PDZD9: variants seen among roughly 807,000 people sequenced by gnomAD.
The protein encoded by PDZD9 is PDZ domain containing 9.
PDZD9 carries 13 observed loss-of-function variants against 16.3 expected under a neutral mutation model. That is an observed-to-expected ratio of 0.80 (90% confidence interval 0.52 to 1.27). The LOEUF is 1.27. Ranked by LOEUF, PDZD9 falls within the 50% of genes most tolerant of loss-of-function variation. PDZD9 has a pLI of 0.00. For synonymous variants in PDZD9, 120 were observed against 111.0 expected (o/e 1.08, Z -0.51); for missense variants, 288 against 310.9 (o/e 0.93, Z 0.55).
rs756110280 is a variant in PDZD9 at position 21,988,761 on chromosome 16, T to C, written c.242A>G (p.Asn81Ser). Reference sequence around the variant, plus strand: ...TTCTCGAAGAGTATATCCTAACACATTGGCATGGCCAACACTAATCAGAAC... The same window carrying C: ...TTCTCGAAGAGTATATCCTAACACACTGGCATGGCCAACACTAATCAGAAC... ...GDVLISVGHA[N>S]VLGYTLREFL... Residue 81 changes from asparagine to serine, a missense_variant, in exon 3 of 4, where the codon AAT (asparagine) becomes AGT (serine). Transcript: ENST00000424898. 11 of 1,612,560 alleles carry C rather than the reference T, an allele frequency of 6.8e-6. No homozygotes were observed. Among genetic ancestry groups the C allele is most frequent in the Non-Finnish European group, 8.5e-6 (10 of 1,179,734 alleles).
rs141373556 is a variant in PDZD9, at chr16:21,991,278, C to T, written c.212-2487G>A. 3.2e-3 allele frequency among the ~76,000 whole-genome samples: 483 copies of T among 152,028 alleles called. 1 individual carries two copies. Among genetic ancestry groups the T allele is most frequent in the Non-Finnish European group, 4.4e-3 (298 of 67,960 alleles). On this transcript the variant is annotated intron_variant, in intron 2 of 3. Coordinates refer to ENST00000424898, the MANE Select transcript of PDZD9 (RefSeq NM_001363519.1). ...TGAGACAGGGTCTCACTTTGTCACC[C>T]AGGCTGGAATGCAGGGATACAAATA...
the PDZD9 span, chr16:21,957,671 G>C: frequency 6.8e-7 from 1 of 1,473,848 alleles, no homozygotes; most frequent in East Asian, 2.3e-5. Flanking sequence ...TCCTTGACCT[G>C]CCATAACAAA....
At chr16:21,972,919 G>C in the PDZD9 span, among the ~76,000 whole-genome samples, 1 of 152,202 alleles carries the variant, frequency 6.6e-6, no homozygotes, top group Non-Finnish European at 1.5e-5. Context: ...GGCTAACACA[G>C]TGAAACCCTG....
chr16:22,000,554 G>A (rs749655949), intron 1 of PDZD9, among the ~76,000 whole-genome samples: 4 of 152,046 alleles, frequency 2.6e-5, no homozygotes, highest in Admixed American at 6.6e-5. Context: ...GGATCTTACT[G>A]CATGGAAATT....
At chr16:21,979,570 A>T (rs117343454), downstream of PDZD9, among the ~76,000 whole-genome samples, 8 of 152,330 alleles carry the variant, frequency 5.3e-5, no homozygotes, top group East Asian at 1.3e-3. Context: ...GTATTTGTGC[A>T]TCTAAACATA....
At chr16:21,986,146 G>A (rs1316607228) in intron 3 of PDZD9, among the ~76,000 whole-genome samples, 1 of 152,162 alleles carries the variant, frequency 6.6e-6, no homozygotes, top group Admixed American at 6.5e-5. Flanking sequence ...AATTTCTCCA[G>A]TGTGTATACC....
chr16:21,960,856 G>C, the PDZD9 span, among the ~76,000 whole-genome samples: 3 of 152,006 alleles, frequency 2.0e-5, no homozygotes, highest in African/African-American at 7.3e-5. Flanking sequence ...TTAAAGACAG[G>C]GTCTTGCTCT....
the PDZD9 span, chr16:21,971,874 T>A: frequency 6.7e-5 from 108 of 1,607,790 alleles, 1 homozygote; most frequent in Admixed American, 1.8e-3. Flanking sequence ...ATGAAACCAA[T>A]GGTGAACAAG....
downstream of PDZD9, among the ~76,000 whole-genome samples, chr16:21,982,822 G>T (rs1339753307): frequency 6.6e-6 from 1 of 152,006 alleles, no homozygotes; most frequent in Non-Finnish European, 1.5e-5. Context: ...AAAATTAGCT[G>T]GGCATAGTGA....
chr16:21,971,826 C>A, the PDZD9 span: 1 of 1,545,634 alleles, frequency 6.5e-7, no homozygotes, highest in Non-Finnish European at 8.9e-7. Flanking sequence ...GCAGAAAAGA[C>A]TCGTGGGTTA....
At chr16:21,973,282 A>G in the PDZD9 span, among the ~76,000 whole-genome samples, 5 of 152,180 alleles carry the variant, frequency 3.3e-5, no homozygotes, top group Non-Finnish European at 7.3e-5. Flanking sequence ...TGGGAATCTG[A>G]AAGTTTGTAT....
At chr16:21,980,590 G>T, downstream of PDZD9, 1 of 1,614,182 alleles carries the variant, frequency 6.2e-7, no homozygotes, top group Non-Finnish European at 8.5e-7. Flanking sequence ...GGAGTCTTCT[G>T]AGTGTTTCCT....
intron 2 of PDZD9, among the ~76,000 whole-genome samples, chr16:21,992,887 G>C (rs1039010152): frequency 3.9e-5 from 6 of 152,160 alleles, no homozygotes; most frequent in African/African-American, 1.4e-4. Context: ...TGGAGGGAGG[G>C]AGGTGATTGG....
At chr16:21,968,789 C>T in the PDZD9 span, 2 of 1,015,782 alleles carry the variant, frequency 2.0e-6, no homozygotes, top group Non-Finnish European at 2.8e-6. Context: ...AAAACTTCGG[C>T]CTTCTATTTA....
chr16:21,988,378 CCCAA>C (rs1021799854), intron 3 of PDZD9, among the ~76,000 whole-genome samples: 5 of 152,070 alleles, frequency 3.3e-5, no homozygotes, highest in African/African-American at 1.2e-4. Context: ...GGACAAAATT[CCCAA>C]CCGATGACTT....
At chr16:21,975,986 T>C in the PDZD9 span, among the ~76,000 whole-genome samples, 1 of 152,104 alleles carries the variant, frequency 6.6e-6, no homozygotes, top group Non-Finnish European at 1.5e-5. Context: ...TATAAACAGC[T>C]GCTTTATGAA....
chr16:21,974,075 T>A, the PDZD9 span: 1 of 1,059,074 alleles, frequency 9.4e-7, no homozygotes. Context: ...TTGAATGCAG[T>A]GCAATGACTT....
chr16:21,960,323 T>A, the PDZD9 span, among the ~76,000 whole-genome samples: 1 of 152,258 alleles, frequency 6.6e-6, no homozygotes, highest in Non-Finnish European at 1.5e-5. Flanking sequence ...TCCTTAAAGC[T>A]CATGAACTAA....
chr16:21,962,875 T>C, the PDZD9 span: 1 of 1,614,172 alleles, frequency 6.2e-7, no homozygotes, highest in Non-Finnish European at 8.5e-7. Context: ...CCTTTCAGAA[T>C]CCGCAGACTC....
Sources: gnomAD v4.1 joint callset for allele counts (sites outside exome capture counted in the v4.1 genomes callset) on GRCh38, gnomAD v4.1.1 for gene constraint, MANE v1.5 for transcripts, NCBI Gene and HGNC (gene_info 2026-07-23, HGNC 2026-07-21) for gene names.